PTPRD: variants seen among roughly 807,000 people sequenced by gnomAD.
The protein encoded by PTPRD is protein tyrosine phosphatase receptor type D.
A neutral mutation model predicts 214.5 loss-of-function variants in PTPRD; 34 were observed. The ratio of observed to expected loss-of-function variants is 0.16; its 90% confidence interval spans 0.12 to 0.21. The LOEUF is 0.21. Among genes scored for constraint, PTPRD ranks in the 10% least tolerant of loss-of-function variants. The probability of loss-of-function intolerance (pLI) is 1.00; values close to 1 mark genes in which losing one functional copy is unlikely to be tolerated. For synonymous variants in PTPRD, 1,128 were observed against 845.7 expected (o/e 1.33, Z -5.79); for missense variants, 2,545 against 2,398.7 (o/e 1.06, Z -1.27).
intron 2 of PTPRD, among the ~76,000 whole-genome samples, chr9:10,485,153 C>T (rs1055956848): frequency 1.3e-5 from 2 of 151,830 alleles, no homozygotes; most frequent in Non-Finnish European, 2.9e-5. Flanking sequence ...TGGCATATTT[C>T]TTGAAAATGA....
chr9:9,427,216 A>G (rs2081301084), intron 8 of PTPRD, among the ~76,000 whole-genome samples: 1 of 152,220 alleles, frequency 6.6e-6, no homozygotes, highest in Admixed American at 6.5e-5. Context: ...AGAAGACCTT[A>G]AATGACCTGA....
chr9:10,146,142 A>G (rs2099020790), intron 3 of PTPRD, among the ~76,000 whole-genome samples: 1 of 111,070 alleles, frequency 9.0e-6, no homozygotes, highest in Admixed American at 1.0e-4. Context: ...AAATTAAGTG[A>G]AATCATCCAT....
chr9:9,283,863 T>G (rs1245120194), intron 9 of PTPRD, among the ~76,000 whole-genome samples: 1 of 151,626 alleles, frequency 6.6e-6, no homozygotes, highest in African/African-American at 2.4e-5. Context: ...TGTTTCCTTG[T>G]TCAATATACT....
At chr9:9,052,633 C>T (rs768466040) in intron 10 of PTPRD, among the ~76,000 whole-genome samples, 2 of 152,168 alleles carry the variant, frequency 1.3e-5, no homozygotes, top group Non-Finnish European at 2.9e-5. Flanking sequence ...GAACCATGGA[C>T]TTTCCCTCTC....
intron 2 of PTPRD, among the ~76,000 whole-genome samples, chr9:10,523,331 G>A (rs1361176728): frequency 1.3e-5 from 2 of 151,626 alleles, no homozygotes; most frequent in South Asian, 4.1e-4. Flanking sequence ...TTCTCTAGAA[G>A]GCGTGTGTAT....
chr9:9,135,263 C>T (rs1015635117), intron 10 of PTPRD, among the ~76,000 whole-genome samples: 2 of 152,162 alleles, frequency 1.3e-5, no homozygotes, highest in Non-Finnish European at 2.9e-5. Context: ...CCTCTGGCAC[C>T]TAGTATGATA....
chr9:9,253,163 C>G (rs1322193233), intron 9 of PTPRD, among the ~76,000 whole-genome samples: 1 of 151,928 alleles, frequency 6.6e-6, no homozygotes, highest in Non-Finnish European at 1.5e-5. Context: ...TTTGAAGTAC[C>G]TACTGACATA....
chr9:10,557,344 G>C (rs1056294750), intron 2 of PTPRD, among the ~76,000 whole-genome samples: 1 of 152,076 alleles, frequency 6.6e-6, no homozygotes, highest in Admixed American at 6.6e-5. Flanking sequence ...GATTAGCAGA[G>C]AGAGTGAATA....
chr9:8,437,302 ATGG>A, intron 34 of PTPRD: 1 of 1,221,618 alleles, frequency 8.2e-7, no homozygotes, highest in Non-Finnish European at 1.1e-6. Context: ...AAAAAATGAA[ATGG>A]AAAGCCTGAT....
At chr9:9,618,215 C>T (rs190018042) in intron 7 of PTPRD, among the ~76,000 whole-genome samples, 87 of 148,586 alleles carry the variant, frequency 5.9e-4, no homozygotes, top group African/African-American at 2.1e-3. Flanking sequence ...CTGTGTTAGA[C>T]ACCATCCTTA....
chr9:8,342,047 T>C (rs2132540541), intron 39 of PTPRD, 69 bp from the exon 40 acceptor site: 1 of 1,407,250 alleles, frequency 7.1e-7, no homozygotes, highest in Non-Finnish European at 9.4e-7. Context: ...TAAAAGTATT[T>C]TTATTATTCT....
chr9:8,655,519 T>A (rs898214513), intron 12 of PTPRD, among the ~76,000 whole-genome samples: 2 of 152,134 alleles, frequency 1.3e-5, no homozygotes, highest in Non-Finnish European at 2.9e-5. Flanking sequence ...ATCTTTAACA[T>A]CTGAACTTCA....
intron 11 of PTPRD, among the ~76,000 whole-genome samples, chr9:8,824,705 G>C (rs1176623103): frequency 6.6e-6 from 1 of 152,174 alleles, no homozygotes; most frequent in East Asian, 1.9e-4. Flanking sequence ...CCCAGAATTA[G>C]AATACTGATC....
chr9:8,411,763 G>C (rs867845051), intron 35 of PTPRD, among the ~76,000 whole-genome samples: 1 of 152,142 alleles, frequency 6.6e-6, no homozygotes, highest in South Asian at 2.1e-4. Context: ...TCCTACATCA[G>C]ATAAGGTGAA....
chr9:9,648,279 G>A (rs2096248178), intron 7 of PTPRD, among the ~76,000 whole-genome samples: 1 of 151,794 alleles, frequency 6.6e-6, no homozygotes, highest in South Asian at 2.1e-4. Context: ...AGAGCACCTA[G>A]ACCTAACCTT....
intron 8 of PTPRD, among the ~76,000 whole-genome samples, chr9:9,552,614 T>C (rs1363981881): frequency 6.6e-6 from 1 of 152,086 alleles, no homozygotes; most frequent in African/African-American, 2.4e-5. Context: ...GACCTAAGAA[T>C]GCTCTGAGAT....
intron 3 of PTPRD, among the ~76,000 whole-genome samples, chr9:10,338,822 G>A (rs1448277484): frequency 6.6e-6 from 1 of 151,624 alleles, no homozygotes; most frequent in East Asian, 1.9e-4. Context: ...AAGAAAGTGA[G>A]GAGAGATTCA....
chr9:9,750,558 G>C (rs2098506881), intron 6 of PTPRD, among the ~76,000 whole-genome samples: 1 of 152,114 alleles, frequency 6.6e-6, no homozygotes, highest in South Asian at 2.1e-4. Flanking sequence ...AGCAAAGGGT[G>C]AGCCCAACAG....
At chr9:8,373,905 TCTATCTATCTAC>T (rs1413496583) in intron 39 of PTPRD, among the ~76,000 whole-genome samples, 2 of 81,314 alleles carry the variant, frequency 2.5e-5, no homozygotes, top group East Asian at 3.0e-4. Context: ...TATCTATCTA[TCTATCTATCTAC>T]CTACCTACCT....
Sources: gnomAD v4.1 joint callset for allele counts (sites outside exome capture counted in the v4.1 genomes callset) on GRCh38, gnomAD v4.1.1 for gene constraint, MANE v1.5 for transcripts, NCBI Gene and HGNC (gene_info 2026-07-23, HGNC 2026-07-21) for gene names.